Variants in RDX observed in about 807,000 individuals in gnomAD.
RDX encodes deafness, autosomal recessive 24.
A neutral mutation model predicts 83.7 loss-of-function variants in RDX; 32 were observed. That is an observed-to-expected ratio of 0.38 (90% confidence interval 0.29 to 0.51). RDX has a LOEUF of 0.51. Ranked by LOEUF, RDX falls within the 20% of genes least tolerant of loss-of-function variation. The probability of loss-of-function intolerance (pLI) is 0.87; values close to 1 mark genes in which losing one functional copy is unlikely to be tolerated. For missense variants in RDX, 600 were observed against 689.9 expected (o/e 0.87, Z 1.46); for synonymous variants, 229 against 222.7 (o/e 1.03, Z -0.25).
intron 15 of RDX, among the ~76,000 whole-genome samples, chr11:110,175,479 A>C (rs558507831): frequency 6.6e-6 from 1 of 152,362 alleles, no homozygotes; most frequent in South Asian, 2.1e-4. Context: ...TTCCCTTCCT[A>C]GTTCCCCAGG....
At chr11:110,210,528 A>G (rs1445346825) in intron 14 of RDX, among the ~76,000 whole-genome samples, 4 of 150,986 alleles carry the variant, frequency 2.6e-5, no homozygotes, top group Non-Finnish European at 5.9e-5. Context: ...ACTCCAAGAC[A>G]CATAATTGTC....
At chr11:110,276,905 G>A (rs938781851) in intron 2 of RDX, among the ~76,000 whole-genome samples, 3 of 152,164 alleles carry the variant, frequency 2.0e-5, no homozygotes, top group Non-Finnish European at 2.9e-5. Flanking sequence ...TCCACTTCAC[G>A]TGACTATTCA....
intron 15 of RDX, chr11:110,185,674 C>T (rs1451045416): frequency 1.3e-5 from 2 of 152,246 alleles, no homozygotes; most frequent in African/African-American, 4.8e-5. Context: ...TGTCAGACCA[C>T]CTTCATCCTT....
intron 13 of RDX, among the ~76,000 whole-genome samples, chr11:110,232,667 C>T (rs998505762): frequency 6.6e-6 from 1 of 152,094 alleles, no homozygotes; most frequent in Non-Finnish European, 1.5e-5. Flanking sequence ...ATTGTCCAGG[C>T]TGAAGTGCAG....
intron 10 of RDX, among the ~76,000 whole-genome samples, chr11:110,241,538 C>G (rs1018522490): frequency 6.6e-5 from 10 of 152,140 alleles, no homozygotes; most frequent in Non-Finnish European, 8.8e-5. Context: ...CTCAGGTGAT[C>G]CACCCGCCTT....
intron 15 of RDX, among the ~76,000 whole-genome samples, chr11:110,177,194 AGGAACG>A: frequency 6.6e-6 from 1 of 152,360 alleles, no homozygotes; most frequent in East Asian, 1.9e-4. Flanking sequence ...ACCCGGGGAC[AGGAACG>A]GTGAGACTCC....
At chr11:110,278,070 T>C (rs949899005) in intron 2 of RDX, among the ~76,000 whole-genome samples, 4 of 152,338 alleles carry the variant, frequency 2.6e-5, no homozygotes, top group Admixed American at 6.5e-5. Flanking sequence ...CAGTAAATTG[T>C]GTGACACCCT....
intron 14 of RDX, among the ~76,000 whole-genome samples, chr11:110,201,177 CA>C (rs34428422): frequency 0.54 from 44,688 of 82,164 alleles, 7,745 homozygotes; most frequent in African/African-American, 0.56. Flanking sequence ...ACTCCCGTCT[CA>C]AAAAAAAAAA....
Position 110,231,567 on chromosome 11 carries a change from G to A in RDX, c.*302C>T, listed in dbSNP as rs181457865. The A allele has an allele frequency of 4.3e-5, 17 of 396,386 alleles. No homozygotes were observed. The East Asian group carries it at 9.0e-4, about 21-fold the overall frequency. 24.6% of individuals were successfully genotyped at this position (396,386 alleles called of 1,614,324 possible). ...GAACTGAAACCACACATACACATTTGTCAGACGTGATAATTAGTGTTAATC... is the reference window on the plus strand; with the variant it reads ...GAACTGAAACCACACATACACATTTATCAGACGTGATAATTAGTGTTAATC... On this transcript the variant is annotated 3_prime_UTR_variant, in exon 14 of 14. Coordinates refer to ENST00000645495, the MANE Select transcript of RDX (RefSeq NM_002906.4).
chr11:110,239,758 C>A (rs1042458539), intron 10 of RDX, among the ~76,000 whole-genome samples: 1 of 151,600 alleles, frequency 6.6e-6, no homozygotes, highest in Non-Finnish European at 1.5e-5. Context: ...CATGTAATCC[C>A]AGTTACTTGG....
intron 9 of RDX, among the ~76,000 whole-genome samples, chr11:110,252,547 A>C (rs1859379794): frequency 6.6e-6 from 1 of 152,206 alleles, no homozygotes; most frequent in Non-Finnish European, 1.5e-5. Context: ...TTTAAGAGAC[A>C]GTGAAATCTT....
At chr11:110,285,712 CAAAAAAAAAA>C (rs35030078) in intron 1 of RDX, among the ~76,000 whole-genome samples, 8 of 78,380 alleles carry the variant, frequency 1.0e-4, no homozygotes, top group African/African-American at 3.1e-4. Flanking sequence ...GACTTTGTCT[CAAAAAAAAAA>C]AAAAAAAAAA....
At chr11:110,267,360 A>G (rs777103527) in intron 3 of RDX, among the ~76,000 whole-genome samples, 2 of 152,048 alleles carry the variant, frequency 1.3e-5, no homozygotes, top group Non-Finnish European at 2.9e-5. Flanking sequence ...TAAAAATACA[A>G]AAATTAGCCA....
At chr11:110,259,357 T>C (rs763415237) in intron 5 of RDX, among the ~76,000 whole-genome samples, 1 of 152,266 alleles carries the variant, frequency 6.6e-6, no homozygotes, top group Non-Finnish European at 1.5e-5. Flanking sequence ...TTGGCTCATA[T>C]GATAATTATT....
Position 110,247,769 on chromosome 11 carries a change from G to T in RDX, c.1024C>A (p.Arg342Ser). The stretch of plus-strand genomic sequence containing the variant: ...CGTTCCATTAGCTCTTCCTTTTCAC[G>T]TTCTATTCTTTCCTTTTCCTTTTCT... ...IAEKEKERIE[R>S]EKEELMERLK... is the part of the protein sequence containing the mutation. Residue 342 changes from arginine (R) to serine (S), a missense_variant, in exon 10 of 14, where the codon CGT becomes AGT. Physicochemically the swap from Arg to Ser is moderately radical, Grantham distance 110. Coordinates refer to ENST00000645495, the MANE Select transcript of RDX (RefSeq NM_002906.4). 1.9e-6 allele frequency: 3 copies of T among 1,608,418 alleles called. No homozygotes were observed. The highest frequency in any genetic ancestry group is 1.7e-6 in the Non-Finnish European group (2 of 1,177,404).
intron 1 of RDX, among the ~76,000 whole-genome samples, chr11:110,291,647 T>A (rs1450241572): frequency 6.6e-6 from 1 of 152,138 alleles, no homozygotes; most frequent in African/African-American, 2.4e-5. Flanking sequence ...CTCAGCATTC[T>A]GAGTAGCTGG....
chr11:110,288,456 TA>T (rs1861075258), intron 1 of RDX: 1 of 152,180 alleles, frequency 6.6e-6, no homozygotes, highest in African/African-American at 2.4e-5. Flanking sequence ...AACATTCACA[TA>T]AAAATGTTTA....
downstream of RDX, among the ~76,000 whole-genome samples, chr11:110,226,808 T>C (rs1864450130): frequency 6.6e-6 from 1 of 152,190 alleles, no homozygotes; most frequent in African/African-American, 2.4e-5. Flanking sequence ...TTAGGATAAC[T>C]TTATTAACTG....
intron 8 of RDX, among the ~76,000 whole-genome samples, chr11:110,254,758 T>C (rs2134356449): frequency 6.6e-6 from 1 of 152,304 alleles, no homozygotes; most frequent in East Asian, 1.9e-4. Flanking sequence ...ATTATGGTCC[T>C]GAACCATTGC....
Sources: allele counts gnomAD v4.1 joint callset (sites outside exome capture counted in the v4.1 genomes callset), GRCh38; gene constraint gnomAD v4.1.1; transcripts MANE v1.5; gene names NCBI Gene and HGNC (gene_info 2026-07-23, HGNC 2026-07-21).